SLC22A16: variants seen among roughly 807,000 people sequenced by gnomAD.
The protein encoded by SLC22A16 is WUGSC:RG331P03.1.
SLC22A16 carries 53 observed loss-of-function variants against 52.9 expected under a neutral mutation model. The ratio of observed to expected loss-of-function variants is 1.00; its 90% CI spans 0.80 to 1.26. The LOEUF is 1.26. SLC22A16 is among the 50% of genes most tolerant of loss of function. The probability of loss-of-function intolerance (pLI) is 0.00; values close to 1 mark genes in which losing one functional copy is unlikely to be tolerated. For synonymous variants in SLC22A16, 291 were observed against 268.8 expected (o/e 1.08, Z -0.81); for missense variants, 726 against 704.0 (o/e 1.03, Z -0.35).
intron 7 of SLC22A16, among the ~76,000 whole-genome samples, chr6:110,429,020 C>A (rs1225708289): frequency 1.3e-5 from 2 of 152,078 alleles, no homozygotes; most frequent in Non-Finnish European, 2.9e-5. Flanking sequence ...TTACAGAAAT[C>A]CATTAAAAAT....
chr6:110,424,803 T>A lies in SLC22A16; in HGVS notation c.*70A>T. ...ACAAACAACATATGGGAGATGAGAA[T>A]AAGATTCCTCTAATACAAAGGCATT... On this transcript the variant is annotated 3_prime_UTR_variant, in exon 8 of 8. Transcript: ENST00000368919. 1 of 1,556,904 alleles carries A rather than the reference T, an allele frequency of 6.4e-7. No homozygotes were observed. Among genetic ancestry groups the A allele is most frequent in the Non-Finnish European group, 8.8e-7 (1 of 1,136,796 alleles).
At chr6:110,456,416 T>C in intron 2 of SLC22A16, 122 bp downstream of exon 2, 2 of 1,180,796 alleles carry the variant, frequency 1.7e-6, no homozygotes, top group Non-Finnish European at 2.4e-6. Context: ...AGCAAAGAGG[T>C]AGGTATTTAG....
chr6:110,427,765 G>T (rs59614723), intron 7 of SLC22A16, among the ~76,000 whole-genome samples: 1 of 152,182 alleles, frequency 6.6e-6, no homozygotes, highest in Non-Finnish European at 1.5e-5. Flanking sequence ...GTGAGCCACC[G>T]CGCCTGCCCT....
At position 110,424,753 on chromosome 6, in the gene SLC22A16, C is replaced by A. The variant is rs1033271118; in HGVS notation, c.*120G>T. 3 of 1,165,714 alleles carry A rather than the reference C, an allele frequency of 2.6e-6. No homozygotes were observed. The highest frequency in any genetic ancestry group is 2.8e-5 in the Admixed American group (1 of 36,122). 72.2% of individuals were successfully genotyped at this position (1,165,714 alleles called of 1,614,324 possible). On this transcript the variant is annotated 3_prime_UTR_variant, in exon 8 of 8. Transcript: ENST00000368919. ...TATAACATATTTGCTTTAAAATTTT[C>A]TTACAAAATTTATTAAAAAGACATA...
At chr6:110,465,478 A>G (rs971106813) in intron 1 of SLC22A16, among the ~76,000 whole-genome samples, 1 of 152,202 alleles carries the variant, frequency 6.6e-6, no homozygotes, top group African/African-American at 2.4e-5. Context: ...TACAAAAATC[A>G]GTTGCATTTC....
rs185167103 is a variant in SLC22A16, at chr6:110,438,209, G to A, written c.1311+511C>T. ...ATGTTTGCTGAATGAATAAATGAGT[G>A]AATGTTCAGTATGATGATGCTGGAA... is the stretch of plus-strand genomic sequence containing the variant. On this transcript the variant is annotated intron_variant, in intron 5 of 7. Transcript: ENST00000368919. Among the ~76,000 whole-genome samples, 950 of 152,370 alleles carry A rather than the reference G, an allele frequency of 6.2e-3. 7 individuals are homozygous for A. Among genetic ancestry groups the A allele is most frequent in the Non-Finnish European group, 9.0e-3 (613 of 68,046 alleles).
chr6:110,427,239 C>A (rs1294002369), intron 7 of SLC22A16, among the ~76,000 whole-genome samples: 23 of 123,966 alleles, frequency 1.9e-4, no homozygotes, highest in African/African-American at 7.8e-4. Flanking sequence ...CAGAGTGAGA[C>A]CCAATCTCAA....
In SLC22A16 at chr6:110,424,773, G is replaced by T. The variant is rs2114860975; in HGVS notation, c.*100C>A. Reference sequence around the variant, plus strand: ...ATTTTCTTACAAAATTTATTAAAAAGACATACAAACAACATATGGGAGATG... The same window carrying T: ...ATTTTCTTACAAAATTTATTAAAAATACATACAAACAACATATGGGAGATG... On this transcript the variant is annotated 3_prime_UTR_variant, in exon 8 of 8. Transcript: ENST00000368919. 1.5e-6 allele frequency: 2 copies of T among 1,290,628 alleles called. No homozygotes were observed. The highest frequency in any genetic ancestry group is 1.6e-5 in the South Asian group (1 of 62,832). The allele number at this position is 1,290,628 out of a possible 1,614,324, so 79.9% of individuals were successfully genotyped here.
At position 110,450,342 on chromosome 6, in the gene SLC22A16, C is replaced by T. The variant is rs567849441; in HGVS notation, c.534-3352G>A. Among the ~76,000 whole-genome samples the T allele has an allele frequency of 3.9e-5, 6 of 152,218 alleles. No individual in the cohort carries two copies. The South Asian group carries it at 6.2e-4, about 16-fold the overall frequency. On this transcript the variant is annotated intron_variant, in intron 2 of 7. Coordinates refer to ENST00000368919, the MANE Select transcript of SLC22A16 (RefSeq NM_033125.4). ...AAAAGCATTTACCGGCTGGGCATGG[C>T]GGCTCATGCCTGTAATCCCAGCACT...
At chr6:110,434,762 G>A (rs62421680) in intron 6 of SLC22A16, among the ~76,000 whole-genome samples, 35,251 of 152,048 alleles carry the variant, frequency 0.23, 4,417 homozygotes, top group African/African-American at 0.33. Context: ...GGCGGATCAC[G>A]AGGTCAGGAG....
At chr6:110,467,420 T>G (rs946978742) in intron 1 of SLC22A16, among the ~76,000 whole-genome samples, 1 of 152,232 alleles carries the variant, frequency 6.6e-6, no homozygotes, top group African/African-American at 2.4e-5. Context: ...GTGAATGTTT[T>G]CTATTTCTCT....
intron 1 of SLC22A16, among the ~76,000 whole-genome samples, chr6:110,474,226 T>A (rs879539733): frequency 6.6e-6 from 1 of 152,082 alleles, no homozygotes; most frequent in South Asian, 2.1e-4. Context: ...ACGAAACCAG[T>A]CCCTGGTGCT....
At chr6:110,455,191 TG>T (rs1775601397) in intron 2 of SLC22A16, among the ~76,000 whole-genome samples, 1 of 150,742 alleles carries the variant, frequency 6.6e-6, no homozygotes, top group South Asian at 2.1e-4. Flanking sequence ...ACTCTGACTG[TG>T]TTATAAGCAT....
chr6:110,424,732 A>G lies in SLC22A16; in HGVS notation c.*141T>C. The G allele has an allele frequency of 1.0e-6, 1 of 954,712 alleles. No homozygotes were observed. The allele number at this position is 954,712 out of a possible 1,614,324, so 59.1% of individuals were successfully genotyped here. A position where few individuals can be genotyped will look rare whatever the true frequency, so the allele number is the denominator to read the frequency against. On this transcript the variant is annotated 3_prime_UTR_variant, in exon 8 of 8. Transcript: ENST00000368919. The stretch of plus-strand genomic sequence containing the variant: ...CATCTTAGTTTTTATTTCTTTTATA[A>G]CATATTTGCTTTAAAATTTTCTTAC...
At chr6:110,454,344 A>C (rs1413348315) in intron 2 of SLC22A16, among the ~76,000 whole-genome samples, 1 of 151,632 alleles carries the variant, frequency 6.6e-6, no homozygotes, top group Non-Finnish European at 1.5e-5. Context: ...GAATACAGAC[A>C]CTGGGAGTCA....
At chr6:110,462,556 A>C (rs1381494285) in intron 1 of SLC22A16, among the ~76,000 whole-genome samples, 2 of 152,206 alleles carry the variant, frequency 1.3e-5, no homozygotes, top group Non-Finnish European at 2.9e-5. Context: ...CAATCTTTCT[A>C]TTTTAACAAG....
intron 1 of SLC22A16, among the ~76,000 whole-genome samples, chr6:110,472,758 A>T (rs1345024304): frequency 6.6e-6 from 1 of 152,200 alleles, no homozygotes; most frequent in Non-Finnish European, 1.5e-5. Flanking sequence ...GTCCACCAGG[A>T]CAACAGGCTT....
intron 1 of SLC22A16, among the ~76,000 whole-genome samples, chr6:110,467,158 C>T (rs1207788506): frequency 6.6e-6 from 1 of 151,930 alleles, no homozygotes; most frequent in South Asian, 2.1e-4. Flanking sequence ...GCTGGTCTAG[C>T]CTGTTCCTCT....
At chr6:110,454,781 TA>T (rs1775549831) in intron 2 of SLC22A16, among the ~76,000 whole-genome samples, 1 of 60,680 alleles carries the variant, frequency 1.6e-5, no homozygotes, top group African/African-American at 7.6e-5. Flanking sequence ...TAAATATATA[TA>T]AATATATAAA....
Sources: gnomAD v4.1 joint callset for allele counts (sites outside exome capture counted in the v4.1 genomes callset) on GRCh38, gnomAD v4.1.1 for gene constraint, MANE v1.5 for transcripts, NCBI Gene and HGNC (gene_info 2026-07-23, HGNC 2026-07-21) for gene names.